Variants in EPC1 observed in about 807,000 individuals in gnomAD.
The protein encoded by EPC1 is enhancer of polycomb homolog 1.
A neutral mutation model predicts 98.4 loss-of-function variants in EPC1; 12 were observed. That is an observed-to-expected ratio of 0.12 (90% CI 0.08 to 0.20). The LOEUF (loss-of-function observed/expected upper bound fraction) is 0.20, where lower values mean the gene tolerates loss of function less well. Ranked by LOEUF, EPC1 falls within the 10% of genes least tolerant of loss-of-function variation. The pLI, the probability that EPC1 is intolerant of heterozygous loss-of-function variation, is 1.00. For missense variants in EPC1, 729 were observed against 990.5 expected (o/e 0.74, Z 3.54); for synonymous variants, 357 against 363.9 (o/e 0.98, Z 0.21).
At chr10:32,318,390 C>T (rs762841751) in intron 1 of EPC1, among the ~76,000 whole-genome samples, 1 of 152,140 alleles carries the variant, frequency 6.6e-6, no homozygotes, top group Non-Finnish European at 1.5e-5. Context: ...ATAACACAAA[C>T]TAAATCTGTC....
intron 1 of EPC1, among the ~76,000 whole-genome samples, chr10:32,322,192 A>G (rs1216839971): frequency 1.3e-5 from 2 of 151,562 alleles, no homozygotes; most frequent in South Asian, 2.1e-4. Context: ...CGCAGTTCGC[A>G]GTAAAAAGTC....
chr10:32,288,828 G>A (rs908455633), intron 6 of EPC1, among the ~76,000 whole-genome samples: 4 of 151,850 alleles, frequency 2.6e-5, no homozygotes, highest in African/African-American at 4.8e-5. Flanking sequence ...GGTGGCTCAT[G>A]CCTGTAATCC....
intron 2 of EPC1, among the ~76,000 whole-genome samples, chr10:32,300,560 A>G (rs1021540630): frequency 6.6e-6 from 1 of 151,172 alleles, no homozygotes; most frequent in African/African-American, 2.4e-5. Flanking sequence ...CAGCCTCCCG[A>G]GTAGCTGGGA....
At chr10:32,344,433 T>C (rs1028480081) in intron 1 of EPC1, among the ~76,000 whole-genome samples, 7 of 142,606 alleles carry the variant, frequency 4.9e-5, no homozygotes, top group Non-Finnish European at 1.0e-4. Context: ...AAAAAATCCC[T>C]GTGTTTCAAA....
chr10:32,351,665 A>G (rs1369869097), upstream of EPC1, among the ~76,000 whole-genome samples: 1 of 152,132 alleles, frequency 6.6e-6, no homozygotes, highest in South Asian at 2.1e-4. Flanking sequence ...TCTTAAAAAA[A>G]GAAAAAAAAT....
At chr10:32,336,500 G>C (rs1025319893) in intron 1 of EPC1, among the ~76,000 whole-genome samples, 1 of 152,136 alleles carries the variant, frequency 6.6e-6, no homozygotes, top group Admixed American at 6.5e-5. Flanking sequence ...CAAGTGAGCT[G>C]ACTGGTCTCA....
intron 10 of EPC1, chr10:32,282,516 C>G (rs971449222): frequency 1.3e-5 from 2 of 151,606 alleles, no homozygotes; most frequent in Non-Finnish European, 2.9e-5. Context: ...AAGATCCTGT[C>G]TTAAATAAAT....
chr10:32,349,403 G>A (rs143483085), upstream of EPC1, among the ~76,000 whole-genome samples: 103 of 152,226 alleles, frequency 6.8e-4, no homozygotes, highest in African/African-American at 2.4e-3. Flanking sequence ...TCACAGATAA[G>A]CTTACAGATT....
At chr10:32,356,875 G>A (rs1210580821) in intron 1 of EPC1, among the ~76,000 whole-genome samples, 1 of 152,122 alleles carries the variant, frequency 6.6e-6, no homozygotes, top group African/African-American at 2.4e-5. Flanking sequence ...TCCCAACTCG[G>A]GAGGCTGAGG....
At chr10:32,331,636 T>C (rs1370412846) in intron 1 of EPC1, among the ~76,000 whole-genome samples, 1 of 152,202 alleles carries the variant, frequency 6.6e-6, no homozygotes, top group Non-Finnish European at 1.5e-5. Context: ...TAAAAATAAG[T>C]ATTTTAATAT....
At chr10:32,298,222 T>C (rs1471429655) in intron 2 of EPC1, among the ~76,000 whole-genome samples, 1 of 152,164 alleles carries the variant, frequency 6.6e-6, no homozygotes, top group African/African-American at 2.4e-5. Context: ...ACAAAGATAT[T>C]AAAGTTTAGT....
Position 32,346,625 on chromosome 10 carries a change from T to C in EPC1, c.153+138A>G, listed in dbSNP as rs1838840430. 3 of 885,372 alleles carry C rather than the reference T, an allele frequency of 3.4e-6. No homozygotes were observed. The African/African-American group carries it at 5.0e-5, about 15-fold the overall frequency. The allele number at this position is 885,372 out of a possible 1,614,324, so 54.8% of individuals were successfully genotyped here. A position where few individuals can be genotyped will look rare whatever the true frequency, so the allele number is the denominator to read the frequency against. ...GGTCGAGGCTGGGGGAGGCGGGGTA[T>C]AGGCCCGGCCGGCGACTGAGAGTCG... On this transcript the variant is annotated intron_variant, in intron 1 of 13. Transcript: ENST00000319778.
intron 1 of EPC1, among the ~76,000 whole-genome samples, chr10:32,323,984 G>A (rs1837100959): frequency 1.3e-5 from 2 of 152,014 alleles, no homozygotes; most frequent in Non-Finnish European, 2.9e-5. Context: ...CGCCCAGGCT[G>A]GAGAGCAGTG....
At chr10:32,283,321 TTTC>T (rs148793658) in intron 10 of EPC1, 23,758 of 152,020 alleles carry the variant, frequency 0.16, 2,082 homozygotes, top group South Asian at 0.32. Context: ...CCTTTATGAA[TTTC>T]TTTTTTTTTT....
rs759379531 is a variant in EPC1 at position 32,271,686 on chromosome 10, A to C, written c.2237T>G (p.Ile746Ser). The C allele has an allele frequency of 1.2e-6, 2 of 1,614,204 alleles. No individual in the cohort carries two copies. Among genetic ancestry groups the C allele is most frequent in the South Asian group, 2.2e-5 (2 of 91,084 alleles). ...TATATGTCGTGCATTTATTGGGGCA[A>C]TAGAGTTTACAGTGGCAACTGATGA... ...VPSSVATVNS[I>S]APINARHIPR... is the part of the protein sequence containing the mutation. The change falls in exon 13 of 14, where the codon ATT (isoleucine) becomes AGT (serine). Residue 746 changes from isoleucine (I) to serine (S), a missense_variant. This residue lies in a region of EPC1 where 156 missense variants were observed against 188.9 expected (regional missense o/e 0.83). Coordinates refer to ENST00000319778, the MANE Select transcript of EPC1 (RefSeq NM_001272004.3).
intron 1 of EPC1, among the ~76,000 whole-genome samples, chr10:32,373,639 C>T (rs1839811091): frequency 6.6e-6 from 1 of 152,120 alleles, no homozygotes; most frequent in East Asian, 1.9e-4. Context: ...GAAAGGATTT[C>T]TTCCTTTACA....
intron 1 of EPC1, among the ~76,000 whole-genome samples, chr10:32,340,799 C>A (rs936302880): frequency 2.0e-5 from 3 of 152,158 alleles, no homozygotes; most frequent in Middle Eastern, 6.8e-3. Context: ...CACTGCTCTC[C>A]AGCCTGGGTG....
intron 2 of EPC1, 63 bp from the exon 3 acceptor site, chr10:32,293,800 T>G: frequency 5.5e-6 from 8 of 1,456,410 alleles, no homozygotes; most frequent in Non-Finnish European, 7.4e-6. Flanking sequence ...ACTCCACAGA[T>G]GTCTGCATAA....
At chr10:32,357,874 T>A (rs920251749) in intron 1 of EPC1, among the ~76,000 whole-genome samples, 13 of 148,764 alleles carry the variant, frequency 8.7e-5, no homozygotes, top group African/African-American at 3.0e-4. Context: ...TTTTTTTTTT[T>A]AGACAGAGTC....
Sources: gnomAD v4.1 joint callset for allele counts (sites outside exome capture counted in the v4.1 genomes callset) on GRCh38, gnomAD v4.1.1 for gene constraint, gnomAD v4.1.1 regional missense constraint, MANE v1.5 for transcripts, NCBI Gene and HGNC (gene_info 2026-07-23, HGNC 2026-07-21) for gene names.